The following INSL6 variants were observed in gnomAD, a reference collection of about 807,000 sequenced individuals.
The protein encoded by INSL6 is insulin like 6, also known as insulin-like peptide INSL6.
Under a neutral mutation model 9.4 loss-of-function variants are expected in INSL6, and 16 were observed. The ratio of observed to expected loss-of-function variants is 1.70; its 90% CI spans 1.15 to 2.59. INSL6 has a LOEUF of 2.59. INSL6 is among the 30% of genes most tolerant of loss of function. The pLI is 0.00. For synonymous variants in INSL6, 154 were observed against 96.9 expected (o/e 1.59, Z -3.46); for missense variants, 391 against 257.3 (o/e 1.52, Z -3.56).
the INSL6 span, among the ~76,000 whole-genome samples, chr9:5,075,013 T>C: frequency 6.6e-6 from 1 of 152,234 alleles, no homozygotes; most frequent in Non-Finnish European, 1.5e-5. Context: ...GAGAAAGTTC[T>C]AGATAGAAGA....
the INSL6 span, among the ~76,000 whole-genome samples, chr9:5,107,271 A>G: frequency 6.6e-6 from 1 of 152,102 alleles, no homozygotes; most frequent in African/African-American, 2.4e-5. Flanking sequence ...TGGCCCTACT[A>G]CTACTACTAA....
rs547751419 is a variant in INSL6, at chr9:5,154,606, T to A, written c.376+9573A>T. ...AAGGGCTAATATCCAGAATCTACGA[T>A]GAACTCAAACAAATTTACAAGAAAA... On this transcript the variant is annotated intron_variant, in intron 2 of 3. Transcript: ENST00000649639. 7.2e-5 allele frequency among the ~76,000 whole-genome samples: 11 copies of A among 152,218 alleles called. No individual in the cohort carries two copies. The East Asian group carries it at 2.1e-3, about 29-fold the overall frequency.
chr9:5,046,370 C>G, the INSL6 span, among the ~76,000 whole-genome samples: 1 of 152,134 alleles, frequency 6.6e-6, no homozygotes, highest in East Asian at 1.9e-4. Flanking sequence ...CCTTTTCATT[C>G]TGTTGCTTGT....
chr9:5,182,249 G>A (rs895722581), intron 1 of INSL6, among the ~76,000 whole-genome samples: 2 of 152,034 alleles, frequency 1.3e-5, no homozygotes, highest in African/African-American at 2.4e-5. Flanking sequence ...TGGACTAAAT[G>A]TTCACATAGC....
chr9:5,054,421 A>C, the INSL6 span: 1 of 621,040 alleles, frequency 1.6e-6, no homozygotes, highest in African/African-American at 1.8e-5. This position sits in a 1 kb window ranked among gnomAD's most constrained non-coding sequence, Gnocchi z 4.9. Context: ...GATGGGGGTT[A>C]TGTCAACTTA....
the INSL6 span, among the ~76,000 whole-genome samples, chr9:5,049,897 A>G: frequency 6.6e-6 from 1 of 152,314 alleles, no homozygotes; most frequent in Non-Finnish European, 1.5e-5. Flanking sequence ...CACAACGGTA[A>G]GTATTTGTGT....
the INSL6 span, chr9:5,072,400 T>TA: frequency 2.3e-5 from 21 of 931,170 alleles, no homozygotes; most frequent in Middle Eastern, 7.2e-4. Flanking sequence ...CTTATGGATT[T>TA]AAAAAAATTC....
At chr9:5,160,031 C>T (rs969219522), downstream of INSL6, among the ~76,000 whole-genome samples, 1 of 151,900 alleles carries the variant, frequency 6.6e-6, no homozygotes, top group African/African-American at 2.4e-5. Flanking sequence ...CAAAAATTAG[C>T]CAGGTGTGGT....
intron 1 of INSL6, among the ~76,000 whole-genome samples, chr9:5,171,642 G>C (rs921667482): frequency 6.6e-6 from 1 of 152,154 alleles, no homozygotes; most frequent in African/African-American, 2.4e-5. Context: ...ATTCAGCAAA[G>C]TCTCAAGATA....
the INSL6 span, among the ~76,000 whole-genome samples, chr9:5,054,012 A>G: frequency 6.6e-6 from 1 of 152,096 alleles, no homozygotes; most frequent in Non-Finnish European, 1.5e-5. The surrounding 1 kb of genome is among the most constrained non-coding windows in gnomAD (Gnocchi z 4.9). Context: ...TGTACAGAAA[A>G]GTCAGAATAT....
At chr9:4,999,118 C>T in the INSL6 span, among the ~76,000 whole-genome samples, 7 of 152,168 alleles carry the variant, frequency 4.6e-5, no homozygotes, top group African/African-American at 1.7e-4. Flanking sequence ...AGCCACCGCA[C>T]CCGGGCTCAG....
chr9:5,091,810 G>C, the INSL6 span, among the ~76,000 whole-genome samples: 1 of 152,244 alleles, frequency 6.6e-6, no homozygotes, highest in African/African-American at 2.4e-5. Flanking sequence ...TAGTATACTG[G>C]AGAAGTTAAA....
the INSL6 span, chr9:5,041,543 C>G: frequency 5.6e-6 from 3 of 535,200 alleles, no homozygotes; most frequent in Non-Finnish European, 7.5e-6. Context: ...TCTGCGAGAA[C>G]TTCCCAGAGG....
At chr9:5,084,942 C>G in the INSL6 span, 3 of 624,842 alleles carry the variant, frequency 4.8e-6, no homozygotes, top group South Asian at 2.8e-5. Flanking sequence ...GTGTATTCCA[C>G]AAAATTCTTA....
At chr9:5,072,579 G>A in the INSL6 span, 1 of 1,610,620 alleles carries the variant, frequency 6.2e-7, no homozygotes, top group Non-Finnish European at 8.5e-7. Flanking sequence ...GCATGAAACA[G>A]AAGTTCTTTT....
the INSL6 span, among the ~76,000 whole-genome samples, chr9:5,089,420 C>T: frequency 1.6e-4 from 24 of 151,556 alleles, no homozygotes. Context: ...CGCCTGTATT[C>T]CCAGCTACTG....
At chr9:5,080,333 A>G in the INSL6 span, 6 of 1,613,656 alleles carry the variant, frequency 3.7e-6, no homozygotes, top group Middle Eastern at 1.6e-4. Context: ...TTTGTGGGAA[A>G]TCTGCAGTGG....
At chr9:5,011,534 T>C in the INSL6 span, among the ~76,000 whole-genome samples, 1 of 152,204 alleles carries the variant, frequency 6.6e-6, no homozygotes, top group Non-Finnish European at 1.5e-5. Context: ...TTCTTTATCT[T>C]CATGCATTAT....
chr9:5,112,924 T>G, the INSL6 span: 2 of 257,424 alleles, frequency 7.8e-6, no homozygotes, highest in South Asian at 2.4e-4. Context: ...CTTGAGGCCC[T>G]GGGCTTCATC....
Sources: allele counts gnomAD v4.1 joint callset (sites outside exome capture counted in the v4.1 genomes callset), GRCh38; gene constraint gnomAD v4.1.1; non-coding constraint Gnocchi (gnomAD v3.1); transcripts MANE v1.5; gene names NCBI Gene and HGNC (gene_info 2026-07-23, HGNC 2026-07-21).